The following ATG9B variants were observed in gnomAD, a reference collection of about 807,000 sequenced individuals.
ATG9B encodes the protein autophagy-related protein 9B.
A neutral mutation model predicts 92.9 loss-of-function variants in ATG9B; 92 were observed. The ratio of observed to expected loss-of-function variants is 0.99; its 90% CI spans 0.84 to 1.18. The LOEUF is 1.18. ATG9B is among the 50% of genes most tolerant of loss of function. The pLI is 0.00. For synonymous variants in ATG9B, 599 were observed against 551.4 expected, an observed-to-expected ratio of 1.09 and a Z score of -1.21; for missense variants, 1,344 against 1,235.0, an observed-to-expected ratio of 1.09 and a Z score of -1.32.
rs570781096 is a variant in ATG9B at position 151,017,197 on chromosome 7, G to A, written c.2128C>T (p.Arg710Trp). The A allele has an allele frequency of 2.4e-5, 39 of 1,612,736 alleles. No individual in the cohort carries two copies. Among genetic ancestry groups the A allele is most frequent in the Middle Eastern group, 1.7e-4 (1 of 6,056 alleles). Reference protein sequence around the residue: ...EDGKTELSLMRFSLAHPLWRP... With the variant: ...EDGKTELSLMWFSLAHPLWRP... ...CAGAGTGGATGCGCCAGGGAGAACC[G>A]CATCAAAGAAAGCTCAGTCTTGCCG... The change falls in exon 9 of 14, where the codon CGG becomes TGG. Residue 710 changes from arginine (R) to tryptophan (W), a missense_variant. Coordinates refer to ENST00000639579, the MANE Select transcript of ATG9B (RefSeq NM_001317056.2).
intron 8 of ATG9B, among the ~76,000 whole-genome samples, 182 bp from the exon 9 acceptor site, chr7:151,017,454 G>A (rs1795548020): frequency 6.6e-6 from 1 of 152,132 alleles, no homozygotes; most frequent in Non-Finnish European, 1.5e-5. Context: ...CGTCACCCCT[G>A]GACTGATTGC....
chr7:151,016,409 C>A, intron 11 of ATG9B, 22 bp downstream of exon 11: 1 of 1,549,076 alleles, frequency 6.5e-7, no homozygotes, highest in Non-Finnish European at 8.7e-7. Flanking sequence ...CACATTTCTC[C>A]TTTGGGCACC....
At position 151,018,323 on chromosome 7, in the gene ATG9B, G is replaced by A. The variant is rs1786630413; in HGVS notation, c.1843C>T (p.Gln615Ter). 2.5e-6 allele frequency: 4 copies of A among 1,586,174 alleles called. No individual in the cohort carries two copies. Among genetic ancestry groups the A allele is most frequent in the Non-Finnish European group, 3.4e-6 (4 of 1,170,244 alleles). The stretch of plus-strand genomic sequence containing the variant: ...CGGTACTGCAGCAGCTGCGCCATCT[G>A]CCGGTAGGCGCGGTCCCTGCCGCCG... ...GPGGRDRAYRQMAQLLQYRAV... is the reference protein window; with the variant it reads ...GPGGRDRAYR The change falls in exon 7 of 14, where the codon CAG becomes TAG. Residue 615 changes from glutamine (Q) to a stop codon, truncating the protein, a stop_gained. Transcript: ENST00000639579. LOFTEE classifies it high-confidence loss of function. The surrounding 1 kb of genome is among the most constrained non-coding windows in gnomAD (Gnocchi z 4.7).
At chr7:151,017,418 T>A in intron 8 of ATG9B, 146 bp from the exon 9 acceptor site, 1 of 794,984 alleles carries the variant, frequency 1.3e-6, no homozygotes, top group Non-Finnish European at 2.0e-6. Context: ...ACAGCAGCAG[T>A]GCAGAACCTG....
Position 151,024,343 on chromosome 7 carries a change from G to A in ATG9B, c.81C>T (p.Leu27=). Residue 27 remains leucine, a synonymous_variant, in exon 1 of 14, where the codon CTC becomes CTT. Transcript: ENST00000639579. ...GAGGAGGTGGCAGTGGCATGGGGAG[G>A]AGGGGCACCGATCCGGGCCCCAGAT... ...WGDLGPGSVP[L]LPMPLPPPPP... is the part of the protein sequence containing the mutation. The A allele has an allele frequency of 7.1e-7, 1 of 1,409,378 alleles. No individual in the cohort carries two copies. Among genetic ancestry groups the A allele is most frequent in the South Asian group, 1.8e-5 (1 of 56,798 alleles). 87.3% of individuals were successfully genotyped at this position (1,409,378 alleles called of 1,614,324 possible). A position where few individuals can be genotyped will look rare whatever the true frequency, so the allele number is the denominator to read the frequency against.
At chr7:151,013,435 T>A (rs1795352480), downstream of ATG9B, 8 of 1,559,678 alleles carry the variant, frequency 5.1e-6, no homozygotes, top group Admixed American at 1.4e-4. Context: ...AGGGGAGGAC[T>A]CGCGCTCTCC....
At chr7:151,021,427 G>T (rs1347828556) in intron 4 of ATG9B, 98 bp from the exon 5 acceptor site, 2 of 1,447,706 alleles carry the variant, frequency 1.4e-6, no homozygotes, top group Non-Finnish European at 1.8e-6. Context: ...ATGAGGAGGG[G>T]GATCTAGCTA....
At chr7:151,014,556 TAGG>T (rs371373231), downstream of ATG9B, 49 of 198,802 alleles carry the variant, frequency 2.5e-4, no homozygotes, top group South Asian at 8.8e-4. Context: ...TGCCAGATGT[TAGG>T]AGAACTACTA....
At chr7:151,013,750 G>A (rs768113659), downstream of ATG9B, 8 of 1,610,536 alleles carry the variant, frequency 5.0e-6, no homozygotes, top group East Asian at 1.1e-4. Flanking sequence ...TCCTGAGGAC[G>A]GAGCTGGCTG....
In ATG9B at chr7:151,016,497, C is replaced by T. The variant is rs1325430651; in HGVS notation, c.2454G>A (p.Gln818=). The change falls in exon 11 of 14, where the codon CAG becomes CAA. Residue 818 remains glutamine, a synonymous_variant. Coordinates refer to ENST00000639579, the MANE Select transcript of ATG9B (RefSeq NM_001317056.2). ...CAAGTTCTGGGAGCTGGGCCAGCTTCTGGCCCCCAGTGCCTCCTGGGGACA... is the reference window on the plus strand; with the variant it reads ...CAAGTTCTGGGAGCTGGGCCAGCTTTTGGCCCCCAGTGCCTCCTGGGGACA... ...SSVSPGGTGG[Q]KLAQLPELAS... The T allele has an allele frequency of 2.6e-6, 4 of 1,551,232 alleles. No individual in the cohort carries two copies. The highest frequency in any genetic ancestry group is 3.5e-6 in the Non-Finnish European group (4 of 1,146,976).
At chr7:151,012,456 T>C, downstream of ATG9B, 1 of 1,611,952 alleles carries the variant, frequency 6.2e-7, no homozygotes. Context: ...AGCGGCTGCA[T>C]GACATTGAGA....
downstream of ATG9B, chr7:151,013,025 C>T: frequency 1.7e-6 from 1 of 582,638 alleles, no homozygotes; most frequent in Non-Finnish European, 2.9e-6. Context: ...ACCACCTCAC[C>T]CGCGCTTCCC....
At chr7:151,015,773 CCTCCCATCACCCCAAATTCCCACCACTG>C in intron 13 of ATG9B, 60 bp from the exon 14 acceptor site, 1 of 1,390,442 alleles carries the variant, frequency 7.2e-7, no homozygotes, top group Non-Finnish European at 9.5e-7. Context: ...GAGATGACCA[CCTCCCATCACCCCAAATTCCCACCACTG>C]CTCCCATCGC....
At chr7:151,013,635 A>G, downstream of ATG9B, 3 of 1,274,038 alleles carry the variant, frequency 2.4e-6, no homozygotes, top group South Asian at 1.5e-5. Context: ...CGCTCCGGAG[A>G]CTTTCACGTC....
At chr7:151,012,253 G>A, downstream of ATG9B, 1 of 968,948 alleles carries the variant, frequency 1.0e-6, no homozygotes, top group Non-Finnish European at 1.4e-6. Flanking sequence ...TTTTGAGATG[G>A]GAAGAACTTG....
Position 151,018,567 on chromosome 7 carries a change from C to T in ATG9B, c.1718+53G>A. On this transcript the variant is annotated intron_variant, in intron 6 of 13. Transcript: ENST00000639579. The surrounding 1 kb of genome is among the most constrained non-coding windows in gnomAD (Gnocchi z 4.7). The stretch of plus-strand genomic sequence containing the variant: ...GGATTCGGGGGGAACCTCACATGGC[C>T]CCAGATCAGAGAAACCAACACACAC... 5 of 1,564,864 alleles carry T rather than the reference C, an allele frequency of 3.2e-6. No homozygotes were observed. Among genetic ancestry groups the T allele is most frequent in the Non-Finnish European group, 4.3e-6 (5 of 1,160,822 alleles).
At chr7:151,016,593 CT>C (rs1285108208) in intron 10 of ATG9B, 66 bp from the exon 11 acceptor site, 5 of 1,544,918 alleles carry the variant, frequency 3.2e-6, no homozygotes, top group Admixed American at 3.9e-5. Flanking sequence ...GAGGACTCCC[CT>C]TCTGAATCCC....
chr7:151,024,396 T>G lies in ATG9B; in HGVS notation c.28A>C (p.Arg10=). MVSRMGWGG[R]RRRLGRWGDL... is the part of the protein sequence containing the mutation. Reference sequence around the variant, plus strand: ...CCCCACCGCCCCAGCCGCCTTCTTCTCCCCCCCCAGCCCATTCGGCTCACC... The same window carrying G: ...CCCCACCGCCCCAGCCGCCTTCTTCGCCCCCCCCAGCCCATTCGGCTCACC... Residue 10 remains arginine (R), a synonymous_variant, in exon 1 of 14, where the codon AGA becomes CGA. Transcript: ENST00000639579. The G allele has an allele frequency of 7.4e-7, 1 of 1,353,786 alleles. No homozygotes were observed. Among genetic ancestry groups the G allele is most frequent in the South Asian group, 2.3e-5 (1 of 44,004 alleles). 83.9% of individuals were successfully genotyped at this position (1,353,786 alleles called of 1,614,324 possible).
chr7:151,012,630 G>C (rs556596231), downstream of ATG9B: 18 of 831,390 alleles, frequency 2.2e-5, no homozygotes, highest in Non-Finnish European at 2.9e-5. Context: ...AGGTACCAAA[G>C]GCAAGGGCTG....
Sources: gnomAD v4.1 joint callset for allele counts (sites outside exome capture counted in the v4.1 genomes callset) on GRCh38, gnomAD v4.1.1 for gene constraint, Gnocchi (gnomAD v3.1) non-coding constraint, MANE v1.5 for transcripts, NCBI Gene and HGNC (gene_info 2026-07-23, HGNC 2026-07-21) for gene names.